Variants in AIG1 observed in about 807,000 individuals in gnomAD.
The protein encoded by AIG1 is androgen-induced gene 1 protein.
In AIG1, 23 loss-of-function variants were observed where a neutral mutation model predicts 31.4. That is an observed-to-expected ratio of 0.73 (90% CI 0.53 to 1.04). AIG1 has a LOEUF of 1.04. Among genes scored for constraint, AIG1 ranks in the 50% least tolerant of loss-of-function variants. The pLI, the probability that AIG1 is intolerant of heterozygous loss-of-function variation, is 0.00. For missense variants in AIG1, 274 were observed against 295.0 expected (o/e 0.93, Z 0.52); for synonymous variants, 100 against 110.5 (o/e 0.90, Z 0.60).
At chr6:143,261,023 C>G (rs138545395) in intron 3 of AIG1, among the ~76,000 whole-genome samples, 5 of 152,242 alleles carry the variant, frequency 3.3e-5, no homozygotes, top group Admixed American at 1.3e-4. Flanking sequence ...AAGGAGACTC[C>G]CAGAGTTTCA....
chr6:143,151,252 T>TA (rs1217036385), intron 2 of AIG1, among the ~76,000 whole-genome samples: 1 of 152,170 alleles, frequency 6.6e-6, no homozygotes, highest in African/African-American at 2.4e-5. Context: ...CTCATACAAC[T>TA]ACTCATGTTT....
In AIG1 at chr6:143,279,783, A is replaced by G. The variant is rs1162510184; in HGVS notation, c.400-4327A>G. On this transcript the variant is annotated intron_variant, in intron 3 of 5. Coordinates refer to ENST00000357847, the MANE Select transcript of AIG1 (RefSeq NM_016108.4). The surrounding 1 kb of genome is among the most constrained non-coding windows in gnomAD (Gnocchi z 5.4). ...TTCGTTTTTTGGACACAATCTTCCA[A>G]ATGATAGCTCCTCATTAAAACTAGC... Among the ~76,000 whole-genome samples, 1 of 152,194 alleles carries G rather than the reference A, an allele frequency of 6.6e-6. No homozygotes were observed. Among genetic ancestry groups the G allele is most frequent in the Non-Finnish European group, 1.5e-5 (1 of 68,036 alleles).
chr6:143,254,778 C>G (rs1795262551), intron 3 of AIG1, among the ~76,000 whole-genome samples: 1 of 152,112 alleles, frequency 6.6e-6, no homozygotes, highest in Non-Finnish European at 1.5e-5. Flanking sequence ...AGCGTGGTGG[C>G]CAAGACAGGC....
rs186317308 is a variant in AIG1, at chr6:143,214,451, C to G, written c.399+49268C>G. On this transcript the variant is annotated intron_variant, in intron 3 of 5. Coordinates refer to ENST00000357847, the MANE Select transcript of AIG1 (RefSeq NM_016108.4). Reference sequence around the variant, plus strand: ...AATCTAGGTTATTATTATTAGGCCTCTTTGCTAATTAGCTGTTGGGTGAGT... The same window carrying G: ...AATCTAGGTTATTATTATTAGGCCTGTTTGCTAATTAGCTGTTGGGTGAGT... 2.6e-5 allele frequency among the ~76,000 whole-genome samples: 4 copies of G among 152,326 alleles called. 1 individual carries two copies. Among genetic ancestry groups the G allele is most frequent in the African/African-American group, 9.6e-5 (4 of 41,584 alleles).
chr6:143,190,076 A>G, intron 3 of AIG1: 1 of 681,992 alleles, frequency 1.5e-6, no homozygotes, highest in Non-Finnish European at 1.8e-6. Context: ...TGAGGATTCC[A>G]CCCCAGTGAC....
intron 3 of AIG1, 57 bp downstream of exon 3, chr6:143,165,240 A>G: frequency 5.2e-6 from 7 of 1,339,488 alleles, no homozygotes; most frequent in Non-Finnish European, 7.5e-6. Context: ...TTAAATAGCT[A>G]TGATCTGCTA....
At chr6:143,154,137 A>G (rs922726786) in intron 2 of AIG1, among the ~76,000 whole-genome samples, 8 of 152,030 alleles carry the variant, frequency 5.3e-5, no homozygotes, top group Non-Finnish European at 1.2e-4. Context: ...CTGACCTCAC[A>G]TTCTGGTTTG....
intron 2 of AIG1, among the ~76,000 whole-genome samples, chr6:143,162,933 G>C (rs1393101808): frequency 1.3e-5 from 2 of 152,118 alleles, no homozygotes; most frequent in Admixed American, 1.3e-4. Context: ...CTTGGCCACG[G>C]GATGTCTTCA....
At chr6:143,274,860 AC>A (rs1160907422) in intron 3 of AIG1, among the ~76,000 whole-genome samples, 1 of 152,212 alleles carries the variant, frequency 6.6e-6, no homozygotes, top group African/African-American at 2.4e-5. Flanking sequence ...GAAGATAACT[AC>A]TACATTAGGA....
intron 2 of AIG1, among the ~76,000 whole-genome samples, chr6:143,140,699 C>T (rs970219987): frequency 6.6e-6 from 1 of 152,206 alleles, no homozygotes; most frequent in African/African-American, 2.4e-5. Flanking sequence ...TGGCCAGGAA[C>T]TGATGGAAGC....
At chr6:143,149,717 G>A (rs1375822136) in intron 2 of AIG1, among the ~76,000 whole-genome samples, 4 of 152,040 alleles carry the variant, frequency 2.6e-5, no homozygotes, top group South Asian at 2.1e-4. Context: ...ACAGTTTTAC[G>A]GAACAGCTTG....
intron 1 of AIG1, among the ~76,000 whole-genome samples, chr6:143,088,674 A>C (rs992527263): frequency 6.6e-6 from 1 of 152,162 alleles, no homozygotes; most frequent in Non-Finnish European, 1.5e-5. Context: ...TCTTTGTCCA[A>C]TACTCATTGG....
chr6:143,315,793 A>G (rs1290640056), intron 4 of AIG1, among the ~76,000 whole-genome samples: 1 of 152,120 alleles, frequency 6.6e-6, no homozygotes, highest in African/African-American at 2.4e-5. Context: ...AGAAAACAAT[A>G]ATAATCCACT....
intron 3 of AIG1, among the ~76,000 whole-genome samples, chr6:143,200,392 A>G (rs1790601870): frequency 6.6e-6 from 1 of 152,178 alleles, no homozygotes; most frequent in Non-Finnish European, 1.5e-5. Flanking sequence ...GTGTAACAAC[A>G]GCTGTATTCC....
intron 1 of AIG1, among the ~76,000 whole-genome samples, chr6:143,099,207 GCT>G (rs1780042224): frequency 6.6e-6 from 1 of 152,124 alleles, no homozygotes. Flanking sequence ...AATATCAGCA[GCT>G]CTTTTTATTT....
chr6:143,251,655 G>GT (rs2128648104), intron 3 of AIG1, among the ~76,000 whole-genome samples: 1 of 152,226 alleles, frequency 6.6e-6, no homozygotes, highest in African/African-American at 2.4e-5. Context: ...CTGGCCTGCT[G>GT]TTTTTTTCAG....
At chr6:143,230,395 GTATAA>G (rs1357604333) in intron 3 of AIG1, among the ~76,000 whole-genome samples, 1 of 149,724 alleles carries the variant, frequency 6.7e-6, no homozygotes, top group Non-Finnish European at 1.5e-5. Flanking sequence ...TATCATATTA[GTATAA>G]TATATTATAA....
At chr6:143,217,074 A>C (rs890369648) in intron 3 of AIG1, among the ~76,000 whole-genome samples, 13 of 152,232 alleles carry the variant, frequency 8.5e-5, no homozygotes, top group Non-Finnish European at 1.8e-4. Flanking sequence ...AGAAGTTTTT[A>C]TACTTTTCAT....
At chr6:143,143,085 T>C (rs1054959749) in intron 2 of AIG1, among the ~76,000 whole-genome samples, 4 of 152,084 alleles carry the variant, frequency 2.6e-5, no homozygotes, top group African/African-American at 7.2e-5. Context: ...AAAATTAATA[T>C]TGATGACTAA....
Sources: allele counts gnomAD v4.1 joint callset (sites outside exome capture counted in the v4.1 genomes callset), GRCh38; gene constraint gnomAD v4.1.1; non-coding constraint Gnocchi (gnomAD v3.1); transcripts MANE v1.5; gene names NCBI Gene and HGNC (gene_info 2026-07-23, HGNC 2026-07-21).